FAM50A: variants seen among roughly 807,000 people sequenced by gnomAD.
FAM50A encodes family with sequence similarity 50 member A.
A neutral mutation model predicts 35.5 loss-of-function variants in FAM50A; 6 were observed. The ratio of observed to expected loss-of-function variants is 0.17; its 90% CI spans 0.09 to 0.33. FAM50A has a LOEUF of 0.33. Among genes scored for constraint, FAM50A ranks in the 10% least tolerant of loss-of-function variants. The probability of loss-of-function intolerance (pLI) is 1.00; values close to 1 mark genes in which losing one functional copy is unlikely to be tolerated. For missense variants in FAM50A, 145 were observed against 295.5 expected, an observed-to-expected ratio of 0.49 and a Z score of 3.73; for synonymous variants, 120 against 110.9, an observed-to-expected ratio of 1.08 and a Z score of -0.52.
rs782193769 is a variant in FAM50A, at chrX:154,449,949, A to G, written c.829+18A>G. On this transcript the variant is annotated intron_variant, in intron 10 of 12. Coordinates refer to ENST00000393600, the MANE Select transcript of FAM50A (RefSeq NM_004699.4). ...GAAGAGTGGTGAGTGCCGCCGACCC[A>G]GCCGCCCCCATAGCACCTTGCCGCC... The G allele has an allele frequency of 1.1e-5, 13 of 1,208,769 alleles. No individual in the cohort carries two copies. In the South Asian group the frequency reaches 1.8e-4, roughly 16 times the overall value.
At chrX:154,445,958 G>A (rs2068780817) in intron 3 of FAM50A, 47 bp downstream of exon 3, 2 of 1,056,800 alleles carry the variant, frequency 1.9e-6, no homozygotes, top group Middle Eastern at 3.5e-4. Context: ...GTGCTTACGG[G>A]GTCCCGTGGC....
chrX:154,446,211 C>T lies in FAM50A; in HGVS notation c.297-204C>T, dbSNP rs369954132. On this transcript the variant is annotated intron_variant, in intron 3 of 12. Coordinates refer to ENST00000393600, the MANE Select transcript of FAM50A (RefSeq NM_004699.4). The stretch of plus-strand genomic sequence containing the variant: ...CCTGTGCTTGGCTCTCCCCTGTGGC[C>T]CTCTGTGCTTGCTGTTTGTAACAGA... 20 of 456,213 alleles carry T rather than the reference C, an allele frequency of 4.4e-5. 1 individual carries two copies. The South Asian group carries it at 5.3e-4, about 12-fold the overall frequency. 37.6% of individuals were successfully genotyped at this position (456,213 alleles called of 1,213,427 possible).
In FAM50A at chrX:154,444,259, G is replaced by A. The variant is rs782657784; in HGVS notation, c.24G>A (p.Ala8=). Residue 8 remains alanine, a synonymous_variant, in exon 1 of 13, where the codon GCG becomes GCA. Transcript: ENST00000393600. MAQYKGA[A]SEAGRAMHLM... is the part of the protein sequence containing the mutation. ...CCATGGCTCAATACAAGGGCGCCGC[G>A]AGCGAGGCCGGCCGCGCCATGCACC... 5.5e-6 allele frequency: 6 copies of A among 1,084,097 alleles called. No homozygotes were observed. In the South Asian group the frequency reaches 1.1e-4, roughly 20 times the overall value. The allele number at this position is 1,084,097 out of a possible 1,213,427, so 89.3% of individuals were successfully genotyped here.
intron 8 of FAM50A, 138 bp from the exon 9 acceptor site, chrX:154,449,542 TA>T: frequency 1.8e-6 from 1 of 562,419 alleles, no homozygotes. Flanking sequence ...CTGTGCTCAC[TA>T]AACCATGGAG....
chrX:154,448,695 G>A lies in FAM50A; in HGVS notation c.525G>A (p.Glu175=). ...CTGCCTGCTCCCTCTCCCAGGAGGA[G>A]GAGAATCGGCTTCGGGAAGAGCTGC... ...SFLPDRDREE[E]ENRLREELRQ... The change falls in exon 6 of 13, where the codon GAG becomes GAA. Residue 175 remains glutamate (E), a synonymous_variant. Coordinates refer to ENST00000393600, the MANE Select transcript of FAM50A (RefSeq NM_004699.4). 1 of 1,210,441 alleles carries A rather than the reference G, an allele frequency of 8.3e-7. No homozygotes were observed. Among genetic ancestry groups the A allele is most frequent in the South Asian group, 1.8e-5 (1 of 56,955 alleles).
intron 4 of FAM50A, 45 bp from the exon 5 acceptor site, chrX:154,448,439 C>T (rs782722652): frequency 8.9e-7 from 1 of 1,126,741 alleles, no homozygotes; most frequent in Admixed American, 2.2e-5. Context: ...ATATCAAAAT[C>T]ATTTTTATAA....
At position 154,448,044 on chromosome X, in the gene FAM50A, T is replaced by C. The variant is rs1442045764; in HGVS notation, c.443-440T>C. Among the ~76,000 whole-genome samples the C allele has an allele frequency of 2.8e-5, 3 of 108,537 alleles. No homozygotes were observed. In the East Asian group the frequency reaches 8.4e-4, roughly 30 times the overall value. 94.3% of individuals were successfully genotyped at this position (108,537 alleles called of 115,157 possible). A position where few individuals can be genotyped will look rare whatever the true frequency, so the allele number is the denominator to read the frequency against. On this transcript the variant is annotated intron_variant, in intron 4 of 12. Coordinates refer to ENST00000393600, the MANE Select transcript of FAM50A (RefSeq NM_004699.4). Reference sequence around the variant, plus strand: ...GGCTAAAGAGTTTAGATTTGTCTTTTTTTGTTGTTCTTTTCTTTTTTTTCT... The same window carrying C: ...GGCTAAAGAGTTTAGATTTGTCTTTCTTTGTTGTTCTTTTCTTTTTTTTCT...
At chrX:154,446,700 G>C in intron 4 of FAM50A, 140 bp downstream of exon 4, 1 of 903,325 alleles carries the variant, frequency 1.1e-6, no homozygotes, top group East Asian at 3.7e-5. Flanking sequence ...CAGTAGACCG[G>C]GGAGGGAAGA....
In FAM50A at chrX:154,444,355, CG is replaced by C. The variant is rs1557199547; in HGVS notation, c.111+13del. The C allele has an allele frequency of 9.8e-7, 1 of 1,016,040 alleles. No individual in the cohort carries two copies. The highest frequency in any genetic ancestry group is 4.4e-5 in the East Asian group (1 of 22,918). The allele number at this position is 1,016,040 out of a possible 1,213,427, so 83.7% of individuals were successfully genotyped here. ...AGCAGCGCATCGCGGAGGTGCGAGC[CG>C]GGGAGCCTCGGAGCATGCGCGCTGC... is the stretch of plus-strand genomic sequence containing the variant. On this transcript the variant is annotated intron_variant, in intron 1 of 12. Coordinates refer to ENST00000393600, the MANE Select transcript of FAM50A (RefSeq NM_004699.4).
intron 6 of FAM50A, 27 bp downstream of exon 6, chrX:154,448,783 G>A (rs2068792549): frequency 1.7e-6 from 2 of 1,204,621 alleles, no homozygotes; most frequent in African/African-American, 1.7e-5. Flanking sequence ...TCAGACGCGA[G>A]GGGCCTGGGC....
rs1382481368 is a variant in FAM50A at position 154,450,406 on chromosome X, A to G, written c.1012-18A>G. 2 of 1,208,380 alleles carry G rather than the reference A, an allele frequency of 1.7e-6. No homozygotes were observed. The highest frequency in any genetic ancestry group is 2.2e-6 in the Non-Finnish European group (2 of 894,464). ...CTCGCCTTCCTTGTCTCCTCTGCCC[A>G]CCTTGTCCTCACACTAGATCCGCTG... On this transcript the variant is annotated intron_variant, in intron 12 of 12. Coordinates refer to ENST00000393600, the MANE Select transcript of FAM50A (RefSeq NM_004699.4).
intron 8 of FAM50A, 124 bp downstream of exon 8, chrX:154,449,421 C>T (rs900236826): frequency 3.4e-6 from 2 of 585,853 alleles, no homozygotes; most frequent in Middle Eastern, 3.5e-4. Flanking sequence ...GCACTCTCCT[C>T]CCAAAAGAGG....
In FAM50A at chrX:154,445,317, A is replaced by G. The variant is rs782715976; in HGVS notation, c.112-316A>G. On this transcript the variant is annotated intron_variant, in intron 1 of 12. Coordinates refer to ENST00000393600, the MANE Select transcript of FAM50A (RefSeq NM_004699.4). Reference sequence around the variant, plus strand: ...CTGTTCTTGTTTGCCCTCTCCTCATAACCCTTGGCTTGGGTCTCGGAAGCT... The same window carrying G: ...CTGTTCTTGTTTGCCCTCTCCTCATGACCCTTGGCTTGGGTCTCGGAAGCT... The G allele has an allele frequency of 3.3e-4, 103 of 313,501 alleles. No homozygotes were observed. The South Asian group carries it at 5.2e-3, about 16-fold the overall frequency. 25.8% of individuals were successfully genotyped at this position (313,501 alleles called of 1,213,427 possible).
chrX:154,445,185 G>A (rs1211763411), intron 1 of FAM50A, among the ~76,000 whole-genome samples: 1 of 111,766 alleles, frequency 8.9e-6, no homozygotes, highest in African/African-American at 3.3e-5. Context: ...GGTACCAAGT[G>A]GGTTGGGGCT....
intron 3 of FAM50A, 146 bp from the exon 4 acceptor site, chrX:154,446,269 C>A: frequency 1.9e-6 from 1 of 529,391 alleles, no homozygotes; most frequent in Non-Finnish European, 3.3e-6. Context: ...TGATCCAGGA[C>A]AGCAGGACCC....
chrX:154,449,599 G>A lies in FAM50A; in HGVS notation c.726-82G>A, dbSNP rs781887971. Reference sequence around the variant, plus strand: ...CCGCTGCTTCCCAGCCCCAGCATGGGCTCTCCTGGGCTGGCTGTCTCCTCC... The same window carrying A: ...CCGCTGCTTCCCAGCCCCAGCATGGACTCTCCTGGGCTGGCTGTCTCCTCC... On this transcript the variant is annotated intron_variant, in intron 8 of 12. Transcript: ENST00000393600. The A allele has an allele frequency of 9.3e-6, 8 of 860,385 alleles. No individual in the cohort carries two copies. The African/African-American group carries it at 1.6e-4, about 17-fold the overall frequency. 70.9% of individuals were successfully genotyped at this position (860,385 alleles called of 1,213,427 possible).
At chrX:154,449,566 C>A in intron 8 of FAM50A, 115 bp from the exon 9 acceptor site, 5 of 637,437 alleles carry the variant, frequency 7.8e-6, no homozygotes, top group Non-Finnish European at 1.2e-5. Context: ...TCCCTCACAG[C>A]CAACTGGCCG....
chrX:154,448,160 G>A (rs181612484), intron 4 of FAM50A, among the ~76,000 whole-genome samples: 21 of 101,875 alleles, frequency 2.1e-4, no homozygotes, highest in Middle Eastern at 5.2e-3. Context: ...CCCCGACCTC[G>A]CAGGCTCAAG....
At chrX:154,446,638 C>T in intron 4 of FAM50A, 78 bp downstream of exon 4, 1 of 1,097,277 alleles carries the variant, frequency 9.1e-7, no homozygotes, top group Non-Finnish European at 1.2e-6. Flanking sequence ...GTCAGCAAAG[C>T]TGATGCCCTG....
Sources: allele counts gnomAD v4.1 joint callset (sites outside exome capture counted in the v4.1 genomes callset), GRCh38; gene constraint gnomAD v4.1.1; transcripts MANE v1.5; gene names NCBI Gene and HGNC (gene_info 2026-07-23, HGNC 2026-07-21).